Variants in VPS37A observed in about 807,000 individuals in gnomAD.
The protein encoded by VPS37A is vacuolar protein sorting-associated protein 37A.
Under a neutral mutation model 49.8 loss-of-function variants are expected in VPS37A, and 30 were observed. The ratio of observed to expected loss-of-function variants is 0.60; its 90% CI spans 0.45 to 0.82. The LOEUF (loss-of-function observed/expected upper bound fraction) is 0.82, where lower values mean the gene tolerates loss of function less well. Among genes scored for constraint, VPS37A ranks in the 40% least tolerant of loss-of-function variants. The probability of loss-of-function intolerance (pLI) is 0.00; values close to 1 mark genes in which losing one functional copy is unlikely to be tolerated. For synonymous variants in VPS37A, 195 were observed against 160.6 expected (o/e 1.21, Z -1.62); for missense variants, 593 against 464.4 (o/e 1.28, Z -2.55).
the VPS37A span, chr8:17,309,422 G>C: frequency 6.0e-6 from 5 of 839,060 alleles, no homozygotes; most frequent in African/African-American, 1.7e-5. Context: ...GGCACTTGCA[G>C]AAGTCCCCAT....
chr8:17,266,463 G>T lies in VPS37A; in HGVS notation c.200+482G>T, dbSNP rs552177523. ...AAAAAGTTAAAAGTATAATTATGAG[G>T]GTTTTACTTAAGTTACAAAAAGTTG... On this transcript the variant is annotated intron_variant, in intron 2 of 11. Transcript: ENST00000324849. 9.8e-4 allele frequency among the ~76,000 whole-genome samples: 149 copies of T among 152,208 alleles called. 1 individual carries two copies. The highest frequency in any genetic ancestry group is 1.7e-3 in the Admixed American group (26 of 15,286).
intron 1 of VPS37A, among the ~76,000 whole-genome samples, chr8:17,252,729 C>G (rs1301108640): frequency 6.6e-6 from 1 of 152,128 alleles, no homozygotes; most frequent in Non-Finnish European, 1.5e-5. Flanking sequence ...AAGGAGCTGC[C>G]TTCATTCATG....
Position 17,247,017 on chromosome 8 carries a change from C to A in VPS37A, c.-228C>A, listed in dbSNP as rs947723408. 38 of 592,456 alleles carry A rather than the reference C, an allele frequency of 6.4e-5. No individual in the cohort carries two copies. Among genetic ancestry groups the A allele is most frequent in the East Asian group, 4.5e-4 (15 of 33,682 alleles). The allele number at this position is 592,456 out of a possible 1,614,324, so 36.7% of individuals were successfully genotyped here. A position where few individuals can be genotyped will look rare whatever the true frequency, so the allele number is the denominator to read the frequency against. ...GGCGTCTGGGCCGTGAAGGTGGGAC[C>A]TCCTGTTCCGGGCCGCAAGTTTCCC... On this transcript the variant is annotated 5_prime_UTR_variant, in exon 1 of 12. Coordinates refer to ENST00000324849, the MANE Select transcript of VPS37A (RefSeq NM_152415.3).
chr8:17,270,726 G>A (rs1028434906), intron 4 of VPS37A, among the ~76,000 whole-genome samples: 5 of 152,020 alleles, frequency 3.3e-5, no homozygotes, highest in African/African-American at 7.2e-5. Context: ...ATATAAAGTC[G>A]GTCACATTCT....
chr8:17,302,148 TCTTA>T, downstream of VPS37A: 1 of 1,614,094 alleles, frequency 6.2e-7, no homozygotes, highest in Non-Finnish European at 8.5e-7. Flanking sequence ...AGCAAGTATG[TCTTA>T]CTTCTTCCAG....
chr8:17,270,642 C>G (rs1468437095), intron 4 of VPS37A, among the ~76,000 whole-genome samples: 2 of 152,062 alleles, frequency 1.3e-5, no homozygotes, highest in African/African-American at 4.8e-5. Flanking sequence ...GGAAAGTAGA[C>G]TTCATTTCTC....
intron 1 of VPS37A, among the ~76,000 whole-genome samples, chr8:17,252,376 A>G (rs1055130790): frequency 2.0e-5 from 3 of 152,012 alleles, no homozygotes; most frequent in Admixed American, 6.6e-5. Flanking sequence ...GGGTTTTGCT[A>G]TGTTGCCCAG....
chr8:17,330,655 G>A, the VPS37A span, among the ~76,000 whole-genome samples: 1 of 152,214 alleles, frequency 6.6e-6, no homozygotes, highest in African/African-American at 2.4e-5. Flanking sequence ...ATATGTCAAA[G>A]TGTGTGTGGA....
intron 5 of VPS37A, among the ~76,000 whole-genome samples, chr8:17,275,603 A>G (rs921829520): frequency 1.3e-5 from 2 of 152,182 alleles, no homozygotes; most frequent in Non-Finnish European, 2.9e-5. Context: ...GAGGGCTTCA[A>G]GTGTTCCGTT....
intron 1 of VPS37A, among the ~76,000 whole-genome samples, chr8:17,259,517 C>A (rs1445286260): frequency 1.3e-5 from 2 of 152,086 alleles, no homozygotes; most frequent in African/African-American, 4.8e-5. Context: ...GGAGAATGTT[C>A]CATGTGCTGA....
chr8:17,279,833 A>T (rs776515667), intron 6 of VPS37A, 195 bp from the exon 7 acceptor site: 2 of 683,568 alleles, frequency 2.9e-6, no homozygotes, highest in Admixed American at 4.2e-5. Flanking sequence ...TCAAGAATAT[A>T]TTACAGACTG....
At chr8:17,304,660 T>C (rs1381344293), downstream of VPS37A, 2 of 797,016 alleles carry the variant, frequency 2.5e-6, no homozygotes, top group African/African-American at 1.7e-5. Flanking sequence ...ATGTATCATC[T>C]TGGTGACTTC....
the VPS37A span, among the ~76,000 whole-genome samples, chr8:17,311,319 C>G: frequency 2.0e-5 from 3 of 152,314 alleles, no homozygotes; most frequent in African/African-American, 7.2e-5. Context: ...AGAAATTCAT[C>G]TCTTTATTCC....
rs376665189 is a variant in VPS37A at position 17,289,745 on chromosome 8, C to T, written c.*3318C>T. 4.8e-3 allele frequency among the ~76,000 whole-genome samples: 738 copies of T among 152,236 alleles called. 9 individuals carry two copies. Among genetic ancestry groups the T allele is most frequent in the African/African-American group, 0.017 (697 of 41,520 alleles). On this transcript the variant is annotated intron_variant, in intron 11 of 11. Coordinates refer to ENST00000324849, the MANE Select transcript of VPS37A (RefSeq NM_152415.3). The stretch of plus-strand genomic sequence containing the variant: ...TTTTTTCTAATTCTGTGAAGAAATT[C>T]AATGGTAGCTCGATGGGAACAGCAT...
At chr8:17,301,797 GGAAA>G (rs779693990), downstream of VPS37A, 127 of 284,846 alleles carry the variant, frequency 4.5e-4, no homozygotes, top group African/African-American at 1.8e-3. Context: ...CTAAAAGTGG[GGAAA>G]GAGTTTTACA....
the VPS37A span, among the ~76,000 whole-genome samples, chr8:17,323,728 T>C: frequency 1.3e-5 from 2 of 152,116 alleles, no homozygotes; most frequent in Non-Finnish European, 2.9e-5. Context: ...TGAGACTGTA[T>C]TGTCACTGGC....
chr8:17,261,770 G>T (rs554883859), intron 1 of VPS37A, among the ~76,000 whole-genome samples: 21 of 152,324 alleles, frequency 1.4e-4, no homozygotes, highest in Non-Finnish European at 2.8e-4. Flanking sequence ...AGTGTGGGAA[G>T]GCTGGCAAAC....
At chr8:17,282,730 A>G (rs1260506911) in intron 9 of VPS37A, among the ~76,000 whole-genome samples, 1 of 152,116 alleles carries the variant, frequency 6.6e-6, no homozygotes, top group African/African-American at 2.4e-5. Context: ...TGACTCTTCA[A>G]ACACTTAAAA....
downstream of VPS37A, chr8:17,304,543 T>C (rs1817326798): frequency 1.2e-6 from 2 of 1,605,510 alleles, no homozygotes; most frequent in African/African-American, 2.7e-5. Context: ...AATAAGTCTA[T>C]AAATGACCTA....
Sources: allele counts gnomAD v4.1 joint callset (sites outside exome capture counted in the v4.1 genomes callset), GRCh38; gene constraint gnomAD v4.1.1; transcripts MANE v1.5; gene names NCBI Gene and HGNC (gene_info 2026-07-23, HGNC 2026-07-21).